Variants in EPHA6 observed in about 807,000 individuals in gnomAD.
EPHA6 encodes EPH receptor A6.
Under a neutral mutation model 112.0 loss-of-function variants are expected in EPHA6, and 50 were observed. The observed-to-expected ratio is 0.45, with a 90% CI of 0.36 to 0.56. EPHA6 has a LOEUF of 0.56. Ranked by LOEUF, EPHA6 falls within the 20% of genes least tolerant of loss-of-function variation. The pLI is 0.00. For missense variants in EPHA6, 1,280 were observed against 1,417.4 expected, an observed-to-expected ratio of 0.90 and a Z score of 1.56; for synonymous variants, 529 against 490.7, an observed-to-expected ratio of 1.08 and a Z score of -1.03.
chr3:97,562,213 A>C (rs996746678), intron 11 of EPHA6, among the ~76,000 whole-genome samples: 1 of 152,180 alleles, frequency 6.6e-6, no homozygotes, highest in African/African-American at 2.4e-5. Flanking sequence ...ACTACATTTC[A>C]TAAAGCTATA....
At chr3:97,242,737 T>C (rs546233332) in intron 4 of EPHA6, among the ~76,000 whole-genome samples, 1 of 151,960 alleles carries the variant, frequency 6.6e-6, no homozygotes, top group South Asian at 2.1e-4. Flanking sequence ...TAGGAGCGAA[T>C]GCTAGGGAGA....
intron 14 of EPHA6, among the ~76,000 whole-genome samples, chr3:97,666,434 T>C (rs1020005413): frequency 2.0e-5 from 3 of 152,218 alleles, no homozygotes; most frequent in African/African-American, 7.2e-5. Context: ...CTTGGTTTCT[T>C]CTGAAAGTTG....
At chr3:97,594,446 A>C (rs1056992107) in intron 12 of EPHA6, among the ~76,000 whole-genome samples, 10 of 152,200 alleles carry the variant, frequency 6.6e-5, no homozygotes, top group Non-Finnish European at 1.0e-4. Flanking sequence ...AGGTGTAAAA[A>C]AATTGCTTCT....
chr3:97,745,792 G>C (rs539831957), intron 16 of EPHA6, among the ~76,000 whole-genome samples: 1 of 151,666 alleles, frequency 6.6e-6, no homozygotes, highest in Non-Finnish European at 1.5e-5. Context: ...TAAAAGACTC[G>C]GGTCCTGGTG....
At chr3:97,109,666 A>T (rs2047664146) in intron 3 of EPHA6, among the ~76,000 whole-genome samples, 1 of 152,150 alleles carries the variant, frequency 6.6e-6, no homozygotes, top group African/African-American at 2.4e-5. Context: ...AAACTCCGAG[A>T]TGGAGATGTC....
At chr3:97,334,764 C>A (rs930979688) in intron 5 of EPHA6, among the ~76,000 whole-genome samples, 1 of 152,052 alleles carries the variant, frequency 6.6e-6, no homozygotes, top group African/African-American at 2.4e-5. Flanking sequence ...TGCTTCATTT[C>A]TTTAAGTTGT....
chr3:97,536,629 G>A (rs945358591), intron 11 of EPHA6, among the ~76,000 whole-genome samples: 5 of 152,150 alleles, frequency 3.3e-5, no homozygotes, highest in African/African-American at 9.7e-5. Context: ...GGCAGAGTGG[G>A]TCCACATGGG....
intron 3 of EPHA6, among the ~76,000 whole-genome samples, chr3:97,179,828 A>G (rs1024992642): frequency 1.3e-5 from 2 of 149,986 alleles, no homozygotes; most frequent in East Asian, 3.9e-4. Context: ...TTGTAACTGC[A>G]CTGGGTCAGA....
At chr3:97,339,456 G>T (rs1417863533) in intron 5 of EPHA6, among the ~76,000 whole-genome samples, 2 of 152,028 alleles carry the variant, frequency 1.3e-5, no homozygotes, top group Admixed American at 1.3e-4. Flanking sequence ...AATACTATCT[G>T]AGCATTCCTT....
chr3:97,571,728 A>G (rs2093334658), intron 11 of EPHA6, among the ~76,000 whole-genome samples: 1 of 152,240 alleles, frequency 6.6e-6, no homozygotes, highest in South Asian at 2.1e-4. Context: ...ATTCTTCCGT[A>G]TTAGACTCAA....
At chr3:97,353,639 C>T (rs1298552451) in intron 5 of EPHA6, among the ~76,000 whole-genome samples, 1 of 152,088 alleles carries the variant, frequency 6.6e-6, no homozygotes, top group East Asian at 1.9e-4. Flanking sequence ...CTAAGGTTTC[C>T]AACTACAGGC....
chr3:97,305,172 C>A (rs1239870498), intron 5 of EPHA6, among the ~76,000 whole-genome samples: 1 of 151,970 alleles, frequency 6.6e-6, no homozygotes, highest in Non-Finnish European at 1.5e-5. Flanking sequence ...AGATCCAAAC[C>A]ACAATGAGAT....
chr3:97,181,402 C>T (rs887645175), intron 3 of EPHA6, among the ~76,000 whole-genome samples: 6 of 152,010 alleles, frequency 3.9e-5, no homozygotes, highest in Non-Finnish European at 2.9e-5. Flanking sequence ...TTGGTGTTCT[C>T]ATTGAGGGGA....
chr3:97,328,602 G>A (rs137942821), intron 5 of EPHA6, among the ~76,000 whole-genome samples: 243 of 151,674 alleles, frequency 1.6e-3, no homozygotes, highest in African/African-American at 5.4e-3. Context: ...AGTACTACTC[G>A]TTTGTCAGAT....
At chr3:97,281,073 A>G (rs1431263526) in intron 5 of EPHA6, among the ~76,000 whole-genome samples, 1 of 152,138 alleles carries the variant, frequency 6.6e-6, no homozygotes, top group East Asian at 1.9e-4. Flanking sequence ...ATTACTTACA[A>G]TGAGGGAGAG....
At chr3:97,613,449 T>C (rs183052240) in intron 13 of EPHA6, among the ~76,000 whole-genome samples, 1 of 152,258 alleles carries the variant, frequency 6.6e-6, no homozygotes, top group East Asian at 1.9e-4. Flanking sequence ...TGAAAACTGC[T>C]TCAATTTGTT....
chr3:97,090,865 TACTC>T (rs1444039073), intron 3 of EPHA6, among the ~76,000 whole-genome samples: 1 of 152,084 alleles, frequency 6.6e-6, no homozygotes, highest in Non-Finnish European at 1.5e-5. Context: ...TGAGGAATAA[TACTC>T]AGGAAAATTT....
intron 3 of EPHA6, among the ~76,000 whole-genome samples, chr3:97,023,559 A>G (rs771038008): frequency 2.2e-4 from 34 of 151,808 alleles, no homozygotes; most frequent in Admixed American, 3.9e-4. Flanking sequence ...TTACTTAGTT[A>G]TATGTTAGAT....
At chr3:97,026,001 T>C (rs532831518) in intron 3 of EPHA6, among the ~76,000 whole-genome samples, 2 of 152,170 alleles carry the variant, frequency 1.3e-5, no homozygotes, top group Non-Finnish European at 2.9e-5. Context: ...ATTTATTGAA[T>C]AGGAAATGCT....
Sources: gnomAD v4.1 joint callset for allele counts (sites outside exome capture counted in the v4.1 genomes callset) on GRCh38, gnomAD v4.1.1 for gene constraint, MANE v1.5 for transcripts, NCBI Gene and HGNC (gene_info 2026-07-23, HGNC 2026-07-21) for gene names.